Variants in PAPPA2 observed in about 807,000 individuals in gnomAD.
PAPPA2 encodes the protein pappalysin-2.
In PAPPA2, 86 loss-of-function variants were observed where a neutral mutation model predicts 176.4. The observed-to-expected ratio is 0.49, with a 90% CI of 0.41 to 0.58. PAPPA2 has a LOEUF of 0.58. Ranked by LOEUF, PAPPA2 falls within the 20% of genes least tolerant of loss-of-function variation. The pLI, the probability that PAPPA2 is intolerant of heterozygous loss-of-function variation, is 0.00. For missense variants in PAPPA2, 2,073 were observed against 2,256.9 expected (o/e 0.92, Z 1.65); for synonymous variants, 809 against 852.2 (o/e 0.95, Z 0.88).
chr1:176,627,783 A>G (rs1656112763), intron 3 of PAPPA2, among the ~76,000 whole-genome samples: 2 of 152,150 alleles, frequency 1.3e-5, no homozygotes, highest in Admixed American at 1.3e-4. Flanking sequence ...TGTGAAGGTC[A>G]CCCACATAAC....
At chr1:176,636,647 T>A (rs1271347543) in intron 3 of PAPPA2, among the ~76,000 whole-genome samples, 1 of 152,134 alleles carries the variant, frequency 6.6e-6, no homozygotes, top group Non-Finnish European at 1.5e-5. Flanking sequence ...AGCAGATTCA[T>A]CAGATTTTTG....
At chr1:176,470,877 T>C (rs1237234569) in intron 1 of PAPPA2, among the ~76,000 whole-genome samples, 1 of 152,138 alleles carries the variant, frequency 6.6e-6, no homozygotes, top group Non-Finnish European at 1.5e-5. Flanking sequence ...GGATTTTTTT[T>C]TTTAAAGTTT....
chr1:176,472,136 C>G lies in PAPPA2; in HGVS notation c.-917+8718C>G, dbSNP rs1004239514. 3.3e-5 allele frequency among the ~76,000 whole-genome samples: 5 copies of G among 152,136 alleles called. No individual in the cohort carries two copies. The South Asian group carries it at 6.2e-4, about 19-fold the overall frequency. ...AATATTTTTGTAAAAAGACTCATCT[C>G]TTCATCTATTATTTGATTTATCAGT... On this transcript the variant is annotated intron_variant, in intron 1 of 22. Coordinates refer to ENST00000367662, the MANE Select transcript of PAPPA2 (RefSeq NM_020318.3).
At chr1:176,600,579 G>A (rs1315507597) in intron 3 of PAPPA2, among the ~76,000 whole-genome samples, 2 of 150,680 alleles carry the variant, frequency 1.3e-5, no homozygotes, top group Admixed American at 6.6e-5. Context: ...GGGAGGCTGA[G>A]GCAGGAGAAT....
At chr1:176,811,714 C>T (rs1211047096) in intron 21 of PAPPA2, among the ~76,000 whole-genome samples, 1 of 152,150 alleles carries the variant, frequency 6.6e-6, no homozygotes, top group Non-Finnish European at 1.5e-5. Context: ...TTGTGAATTT[C>T]ACTGCCAGTT....
At chr1:176,769,523 T>C (rs1664123404) in intron 15 of PAPPA2, 84 bp from the exon 16 acceptor site, 1 of 1,393,466 alleles carries the variant, frequency 7.2e-7, no homozygotes. Flanking sequence ...AGACAGATAA[T>C]CACCAAGACT....
At position 176,772,813 on chromosome 1, in the gene PAPPA2, T is replaced by C. The variant is rs551296221; in HGVS notation, c.4715+1633T>C. Among the ~76,000 whole-genome samples the C allele has an allele frequency of 1.3e-4, 20 of 152,208 alleles. No individual in the cohort carries two copies. The East Asian group carries it at 3.9e-3, about 29-fold the overall frequency. On this transcript the variant is annotated intron_variant, in intron 17 of 22. Transcript: ENST00000367662. ...TACCCAGGTAATCTTCAAGTGAAAA[T>C]GTTACTACAATTACCCTGAAGGCTG...
chr1:176,545,843 C>A (rs960208913), intron 1 of PAPPA2, among the ~76,000 whole-genome samples: 1 of 152,106 alleles, frequency 6.6e-6, no homozygotes, highest in South Asian at 2.1e-4. Context: ...TTCCTGCTTG[C>A]CTTCTGGTGT....
intron 4 of PAPPA2, among the ~76,000 whole-genome samples, chr1:176,676,731 TACACAC>T (rs35103046): frequency 2.6e-4 from 39 of 149,216 alleles, no homozygotes; most frequent in African/African-American, 7.6e-4. Flanking sequence ...TGCATACAAC[TACACAC>T]ACACACACAC....
At chr1:176,730,036 G>A (rs190865160) in intron 12 of PAPPA2, among the ~76,000 whole-genome samples, 11 of 151,804 alleles carry the variant, frequency 7.2e-5, no homozygotes, top group East Asian at 1.9e-4. Context: ...TATTTTAAAC[G>A]TATTGTTGGA....
chr1:176,542,819 T>G (rs1044838694), intron 1 of PAPPA2, among the ~76,000 whole-genome samples: 1 of 152,182 alleles, frequency 6.6e-6, no homozygotes, highest in Admixed American at 6.5e-5. Flanking sequence ...CCTAAAGACA[T>G]CTAGGGGCAT....
At chr1:176,781,013 G>A (rs1017460051) in intron 17 of PAPPA2, among the ~76,000 whole-genome samples, 4 of 152,088 alleles carry the variant, frequency 2.6e-5, no homozygotes, top group African/African-American at 9.7e-5. Context: ...GGGCATATTT[G>A]GCAGAAAAAT....
At chr1:176,613,536 A>G (rs750121227) in intron 3 of PAPPA2, among the ~76,000 whole-genome samples, 2 of 152,204 alleles carry the variant, frequency 1.3e-5, no homozygotes, top group Admixed American at 6.5e-5. Flanking sequence ...GTCAAAGTCT[A>G]TGCCTCAGTT....
chr1:176,683,904 T>C (rs909891783), intron 4 of PAPPA2, among the ~76,000 whole-genome samples: 4 of 152,224 alleles, frequency 2.6e-5, no homozygotes, highest in Admixed American at 2.0e-4. Flanking sequence ...ATCAACTTTA[T>C]TGGACCCACT....
chr1:176,615,636 T>G (rs1454692881), intron 3 of PAPPA2, among the ~76,000 whole-genome samples: 3 of 152,144 alleles, frequency 2.0e-5, no homozygotes, highest in Non-Finnish European at 4.4e-5. Context: ...CTGGAGGTTT[T>G]TAATAAAAGC....
At chr1:176,718,309 T>C (rs939609337) in intron 12 of PAPPA2, among the ~76,000 whole-genome samples, 4 of 152,152 alleles carry the variant, frequency 2.6e-5, no homozygotes, top group Non-Finnish European at 5.9e-5. Flanking sequence ...TTGTGGCTTG[T>C]CTCTTTTATT....
intron 1 of PAPPA2, among the ~76,000 whole-genome samples, chr1:176,516,247 T>C (rs1461214919): frequency 6.6e-6 from 1 of 151,242 alleles, no homozygotes; most frequent in Non-Finnish European, 1.5e-5. Flanking sequence ...TTTTCTGTCC[T>C]CGGAGTCAAA....
chr1:176,826,609 G>A (rs1025828794), intron 21 of PAPPA2, among the ~76,000 whole-genome samples: 1 of 152,232 alleles, frequency 6.6e-6, no homozygotes, highest in African/African-American at 2.4e-5. Context: ...AAACTGAACT[G>A]TCCATAGACA....
rs767526021 is a variant in PAPPA2 at position 176,690,435 on chromosome 1, C to T, written c.2431+5C>T. 3.1e-6 allele frequency: 5 copies of T among 1,613,168 alleles called. No homozygotes were observed. The highest frequency in any genetic ancestry group is 2.2e-5 in the South Asian group (2 of 91,066). ...CCAACTACATGAGCTACACGGGTAT[C>T]ACCACTGTCTTGTTTTGTTTTCTGT... is the stretch of plus-strand genomic sequence containing the variant. On this transcript the variant is annotated splice_donor_5th_base_variant and intron_variant, in intron 5 of 22. Coordinates refer to ENST00000367662, the MANE Select transcript of PAPPA2 (RefSeq NM_020318.3).
Sources: allele counts gnomAD v4.1 joint callset (sites outside exome capture counted in the v4.1 genomes callset), GRCh38; gene constraint gnomAD v4.1.1; transcripts MANE v1.5; gene names NCBI Gene and HGNC (gene_info 2026-07-23, HGNC 2026-07-21).